The following STAB2 variants were observed in gnomAD, a reference collection of about 807,000 sequenced individuals.
STAB2 encodes stabilin 2.
In STAB2, 288 loss-of-function variants were observed where a neutral mutation model predicts 338.1. The observed-to-expected ratio is 0.85, with a 90% CI of 0.77 to 0.94. The LOEUF (loss-of-function observed/expected upper bound fraction) is 0.94. STAB2 is among the 40% of genes least tolerant of loss of function. STAB2 has a pLI of 0.00. For missense variants in STAB2, 3,141 were observed against 3,210.1 expected, an observed-to-expected ratio of 0.98 and a Z score of 0.52; for synonymous variants, 1,202 against 1,193.3, an observed-to-expected ratio of 1.01 and a Z score of -0.15.
intron 30 of STAB2, among the ~76,000 whole-genome samples, chr12:103,692,462 C>T (rs1299964416): frequency 1.3e-5 from 2 of 152,152 alleles, no homozygotes; most frequent in Admixed American, 6.5e-5. Flanking sequence ...CTTTAATGAG[C>T]CTCGAACAGC....
intron 8 of STAB2, 115 bp downstream of exon 8, chr12:103,638,327 G>T (rs571945080): frequency 2.5e-6 from 3 of 1,211,498 alleles, no homozygotes; most frequent in East Asian, 2.6e-5. Flanking sequence ...GTTCCGCTTG[G>T]TCTTCCCCTC....
At chr12:103,620,963 G>C (rs181971606) in intron 4 of STAB2, among the ~76,000 whole-genome samples, 37 of 152,080 alleles carry the variant, frequency 2.4e-4, no homozygotes, top group Admixed American at 3.9e-4. Context: ...TGGGTGTGGT[G>C]GTGGGCGCCT....
intron 44 of STAB2, among the ~76,000 whole-genome samples, chr12:103,720,227 A>C (rs1310199110): frequency 1.3e-5 from 2 of 152,240 alleles, no homozygotes; most frequent in Non-Finnish European, 2.9e-5. Flanking sequence ...TTTGTAAAAA[A>C]AAATGGCCAC....
At chr12:103,622,684 A>G (rs1177642184) in intron 5 of STAB2, among the ~76,000 whole-genome samples, 1 of 152,242 alleles carries the variant, frequency 6.6e-6, no homozygotes, top group Non-Finnish European at 1.5e-5. Context: ...AAGCTGTTAA[A>G]TGCAGTCATT....
At chr12:103,738,595 T>A (rs1882337087) in intron 53 of STAB2, among the ~76,000 whole-genome samples, 1 of 152,238 alleles carries the variant, frequency 6.6e-6, no homozygotes, top group South Asian at 2.1e-4. Flanking sequence ...AAGTAGGAGA[T>A]GAAACCAGTT....
At chr12:103,665,084 T>C (rs1360584685) in intron 18 of STAB2, among the ~76,000 whole-genome samples, 2 of 152,242 alleles carry the variant, frequency 1.3e-5, no homozygotes, top group East Asian at 1.9e-4. Flanking sequence ...AACTTCCTAA[T>C]AGCTGCCTTA....
chr12:103,599,273 C>T (rs1056719633), intron 3 of STAB2, among the ~76,000 whole-genome samples: 1 of 152,170 alleles, frequency 6.6e-6, no homozygotes, highest in African/African-American at 2.4e-5. Context: ...AAGAAACAGA[C>T]CAGCTGATTT....
At chr12:103,715,017 T>C (rs1378563416) in intron 42 of STAB2, among the ~76,000 whole-genome samples, 2 of 152,272 alleles carry the variant, frequency 1.3e-5, no homozygotes, top group African/African-American at 4.8e-5. Context: ...TCATGTATCT[T>C]GAGTCCCCTT....
At chr12:103,668,763 C>A (rs1386666987) in intron 20 of STAB2, 34 bp downstream of exon 20, 15 of 1,505,942 alleles carry the variant, frequency 1.0e-5, no homozygotes, top group Admixed American at 2.0e-5. Flanking sequence ...CAGTCTAGGC[C>A]AGTAGGGCCA....
chr12:103,743,831 C>T (rs971501206), intron 56 of STAB2, among the ~76,000 whole-genome samples: 7 of 152,048 alleles, frequency 4.6e-5, no homozygotes, highest in Non-Finnish European at 7.4e-5. Context: ...GGTGGCTGAG[C>T]GGAGTGGGCA....
intron 34 of STAB2, among the ~76,000 whole-genome samples, chr12:103,700,957 T>C (rs1370880777): frequency 6.6e-6 from 1 of 150,744 alleles, no homozygotes; most frequent in African/African-American, 2.4e-5. Flanking sequence ...TAACTCGTCA[T>C]CTAGCATTAG....
intron 45 of STAB2, among the ~76,000 whole-genome samples, chr12:103,725,627 C>A (rs1478615490): frequency 3.3e-5 from 5 of 151,448 alleles, no homozygotes; most frequent in African/African-American, 1.2e-4. Context: ...TGTGTGCATG[C>A]AGGTGCATAT....
intron 2 of STAB2, among the ~76,000 whole-genome samples, chr12:103,593,817 C>T (rs1311680956): frequency 6.6e-6 from 1 of 152,224 alleles, no homozygotes; most frequent in Non-Finnish European, 1.5e-5. Context: ...TAGTGTTTAA[C>T]CTCCATAGAA....
intron 3 of STAB2, among the ~76,000 whole-genome samples, chr12:103,598,932 A>T (rs968161506): frequency 6.6e-6 from 1 of 152,206 alleles, no homozygotes; most frequent in African/African-American, 2.4e-5. Flanking sequence ...GGAGCAGAGG[A>T]GTAAAAACAA....
At chr12:103,764,384 G>A (rs1884766355) in intron 68 of STAB2, among the ~76,000 whole-genome samples, 1 of 152,148 alleles carries the variant, frequency 6.6e-6, no homozygotes, top group South Asian at 2.1e-4. Context: ...ATGGGTGGGT[G>A]TTCTGCTCTG....
chr12:103,713,376 G>A (rs1478576672), intron 41 of STAB2, among the ~76,000 whole-genome samples: 3 of 152,216 alleles, frequency 2.0e-5, no homozygotes, highest in Middle Eastern at 3.4e-3. Flanking sequence ...TCTTACCCTG[G>A]GGATTCTCCC....
chr12:103,744,649 G>A (rs148212620), intron 56 of STAB2, among the ~76,000 whole-genome samples: 1 of 150,178 alleles, frequency 6.7e-6, no homozygotes, highest in Non-Finnish European at 1.5e-5. Flanking sequence ...GTTTGTTGTT[G>A]TTGTTTTGTA....
intron 57 of STAB2, 81 bp from the exon 58 acceptor site, chr12:103,746,516 A>T (rs1883043518): frequency 1.5e-6 from 2 of 1,315,156 alleles, no homozygotes; most frequent in African/African-American, 1.5e-5. Context: ...TCGTCCAGAG[A>T]GAGTCTTGGA....
intron 54 of STAB2, 51 bp from the exon 55 acceptor site, chr12:103,740,579 C>G: frequency 3.8e-6 from 6 of 1,592,260 alleles, no homozygotes; most frequent in Non-Finnish European, 5.1e-6. Context: ...AGCCCCAGAG[C>G]CCTAGTCCCT....
Sources: gnomAD v4.1 joint callset for allele counts (sites outside exome capture counted in the v4.1 genomes callset) on GRCh38, gnomAD v4.1.1 for gene constraint, MANE v1.5 for transcripts, NCBI Gene and HGNC (gene_info 2026-07-23, HGNC 2026-07-21) for gene names.